Variants in WNK3 observed in about 807,000 individuals in gnomAD.
WNK3 encodes serine/threonine-protein kinase WNK3.
In WNK3, 18 loss-of-function variants were observed where a neutral mutation model predicts 116.7. That is an observed-to-expected ratio of 0.15 (90% confidence interval 0.11 to 0.23). The LOEUF (loss-of-function observed/expected upper bound fraction) is 0.23. Ranked by LOEUF, WNK3 falls within the 10% of genes least tolerant of loss-of-function variation. The pLI is 1.00. For missense variants in WNK3, 993 were observed against 1,323.8 expected (o/e 0.75, Z 3.88); for synonymous variants, 404 against 469.4 (o/e 0.86, Z 1.80).
At chrX:54,356,533 G>C (rs782313508) in intron 1 of WNK3, among the ~76,000 whole-genome samples, 1 of 111,072 alleles carries the variant, frequency 9.0e-6, no homozygotes, top group African/African-American at 3.3e-5. Flanking sequence ...TTGAGCTGTC[G>C]AGTTTAAACA....
chrX:54,198,420 G>T (rs782363573), exon 24 of WNK3: 26 of 1,208,898 alleles, frequency 2.2e-5, no homozygotes, highest in Non-Finnish European at 2.6e-5. Context: ...CCCCAGATTG[G>T]GCGGGAATTA....
At chrX:54,325,750 T>C (rs2069095693) in intron 2 of WNK3, among the ~76,000 whole-genome samples, 1 of 105,313 alleles carries the variant, frequency 9.5e-6, no homozygotes, top group Non-Finnish European at 1.9e-5. Flanking sequence ...ATAAATGTAC[T>C]GGTGTAAGTA....
At chrX:54,207,189 C>A (rs782653800) in intron 22 of WNK3, among the ~76,000 whole-genome samples, 1 of 110,899 alleles carries the variant, frequency 9.0e-6, no homozygotes, top group East Asian at 2.8e-4. Flanking sequence ...GTTGTCCTTG[C>A]AGAACAAGTA....
At chrX:54,322,525 C>T (rs1462358386) in intron 2 of WNK3, among the ~76,000 whole-genome samples, 4 of 111,087 alleles carry the variant, frequency 3.6e-5, no homozygotes, top group African/African-American at 9.8e-5. Context: ...AAACAGGATC[C>T]GTTTAAGAAA....
chrX:54,249,997 G>C (rs782730940), exon 16 of WNK3: 3 of 1,199,907 alleles, frequency 2.5e-6, no homozygotes, highest in Non-Finnish European at 3.4e-6. Context: ...AGCTTACTAG[G>C]AAGTGGATGT....
At chrX:54,301,591 A>G (rs955955704) in intron 6 of WNK3, among the ~76,000 whole-genome samples, 180 bp downstream of exon 6, 1 of 111,594 alleles carries the variant, frequency 9.0e-6, no homozygotes, top group Non-Finnish European at 1.9e-5. Flanking sequence ...AAAATTCAGC[A>G]CATGATATCC....
At chrX:54,208,170 G>A (rs1426738316) in intron 22 of WNK3, among the ~76,000 whole-genome samples, 2 of 110,188 alleles carry the variant, frequency 1.8e-5, no homozygotes, top group African/African-American at 6.6e-5. Context: ...TGTCGCCCAG[G>A]CTGCAGTGCA....
chrX:54,270,238 T>C (rs1262818910), intron 10 of WNK3, among the ~76,000 whole-genome samples: 1 of 109,303 alleles, frequency 9.1e-6, no homozygotes, highest in Non-Finnish European at 1.9e-5. Context: ...CCTGTGTAGG[T>C]AGGACTACAG....
intron 1 of WNK3, among the ~76,000 whole-genome samples, chrX:54,345,282 A>ATATGTATG (rs572331448): frequency 1.3e-4 from 13 of 100,907 alleles, no homozygotes; most frequent in African/African-American, 3.3e-4. Flanking sequence ...AACTATATAT[A>ATATGTATG]TATGTATGTA....
chrX:54,357,356 A>G (rs1223509755), intron 1 of WNK3, among the ~76,000 whole-genome samples: 1 of 110,804 alleles, frequency 9.0e-6, no homozygotes. Flanking sequence ...AAAAAAATCA[A>G]AAACAAAAAA....
chrX:54,292,364 C>T (rs1206715412), intron 10 of WNK3, among the ~76,000 whole-genome samples: 1 of 111,074 alleles, frequency 9.0e-6, no homozygotes, highest in Non-Finnish European at 1.9e-5. Context: ...TCCAATTATA[C>T]AAGCAGTATC....
chrX:54,291,766 G>A (rs1167614655), intron 10 of WNK3, among the ~76,000 whole-genome samples: 3 of 112,005 alleles, frequency 2.7e-5, no homozygotes, highest in Non-Finnish European at 3.8e-5. Flanking sequence ...CAAGGATCAT[G>A]TTTATTTTAT....
At chrX:54,345,282 ATATGTATGTATGTATGTATGTATGTATG>A (rs572331448) in intron 1 of WNK3, among the ~76,000 whole-genome samples, 2 of 100,909 alleles carry the variant, frequency 2.0e-5, no homozygotes, top group African/African-American at 3.7e-5. Flanking sequence ...AACTATATAT[ATATGTATGTATGTATGTATGTATGTATG>A]TATGTATGTA....
chrX:54,197,057 T>TA (rs782795880), exon 24 of WNK3: 116 of 112,413 alleles, frequency 1.0e-3, no homozygotes, highest in African/African-American at 3.6e-3. Context: ...GAGAACCCTG[T>TA]AAAGCCAGTG....
At chrX:54,292,865 A>C in intron 10 of WNK3, 23 bp downstream of exon 10, 1 of 1,198,176 alleles carries the variant, frequency 8.3e-7, no homozygotes, top group Non-Finnish European at 1.1e-6. Flanking sequence ...AAATGAATAC[A>C]GAACCTCTAA....
chrX:54,212,054 G>A (rs975495167), intron 22 of WNK3, among the ~76,000 whole-genome samples: 2 of 110,737 alleles, frequency 1.8e-5, no homozygotes, highest in Admixed American at 9.7e-5. Context: ...GTGAAATGCC[G>A]TCTCTACTAA....
At chrX:54,349,596 G>T (rs2069485003) in intron 1 of WNK3, among the ~76,000 whole-genome samples, 1 of 111,884 alleles carries the variant, frequency 8.9e-6, no homozygotes, top group African/African-American at 3.2e-5. Context: ...CCAAAGAGAT[G>T]TTTTTGTCTG....
At chrX:54,345,990 CA>C (rs1286455920) in intron 1 of WNK3, among the ~76,000 whole-genome samples, 1 of 108,721 alleles carries the variant, frequency 9.2e-6, no homozygotes, top group East Asian at 2.9e-4. Context: ...ATTCATCTTG[CA>C]ATCCCAATAT....
At chrX:54,307,813 T>C (rs1384667207) in intron 5 of WNK3, 109 bp downstream of exon 5, 4 of 626,648 alleles carry the variant, frequency 6.4e-6, no homozygotes, top group Non-Finnish European at 9.7e-6. Flanking sequence ...TTAATTTTAA[T>C]ACTGTTACCT....
Sources: allele counts gnomAD v4.1 joint callset (sites outside exome capture counted in the v4.1 genomes callset), GRCh38; gene constraint gnomAD v4.1.1; transcripts MANE v1.5; gene names NCBI Gene and HGNC (gene_info 2026-07-23, HGNC 2026-07-21).